Variants in CHRNB3 observed in about 807,000 individuals in gnomAD.
The protein encoded by CHRNB3 is cholinergic receptor nicotinic beta 3 subunit, also known as neuronal acetylcholine receptor subunit beta-3.
In CHRNB3, 37 loss-of-function variants were observed where a neutral mutation model predicts 40.6. The ratio of observed to expected loss-of-function variants is 0.91; its 90% CI spans 0.70 to 1.20. CHRNB3 has a LOEUF of 1.20. Ranked by LOEUF, CHRNB3 falls within the 50% of genes most tolerant of loss-of-function variation. The pLI is 0.00. For synonymous variants in CHRNB3, 207 were observed against 207.1 expected (o/e 1.00, Z 0.00); for missense variants, 505 against 551.2 (o/e 0.92, Z 0.84).
chr8:42,728,082 T>C (rs1398167713), intron 3 of CHRNB3, among the ~76,000 whole-genome samples: 1 of 152,150 alleles, frequency 6.6e-6, no homozygotes, highest in Non-Finnish European at 1.5e-5. Context: ...GACAAACCAC[T>C]TTTATTCAGA....
intron 3 of CHRNB3, among the ~76,000 whole-genome samples, chr8:42,713,281 A>T (rs1161951385): frequency 2.0e-5 from 3 of 152,078 alleles, no homozygotes; most frequent in Non-Finnish European, 4.4e-5. Context: ...ATTAGACACA[A>T]AAGAGTGGGC....
chr8:42,711,548 C>T (rs923375345), intron 3 of CHRNB3, among the ~76,000 whole-genome samples: 6 of 152,084 alleles, frequency 3.9e-5, no homozygotes, highest in African/African-American at 1.4e-4. Context: ...GTGCCCGCCA[C>T]CACGCCCAGC....
chr8:42,715,976 C>CCT (rs1554590400), intron 3 of CHRNB3, among the ~76,000 whole-genome samples: 4,206 of 124,156 alleles, frequency 0.034, 117 homozygotes, highest in Middle Eastern at 0.12. Flanking sequence ...TTAAACTGAC[C>CCT]TTTTTTTTTT....
chr8:42,702,843 A>C (rs950037920), intron 1 of CHRNB3, among the ~76,000 whole-genome samples: 3 of 152,248 alleles, frequency 2.0e-5, no homozygotes, highest in African/African-American at 7.2e-5. Context: ...ATACAATGCT[A>C]ACAGCAAAAC....
In CHRNB3 at chr8:42,732,201, G is replaced by T. The variant is rs1433398868; in HGVS notation, c.894G>T (p.Glu298Asp). 3.1e-6 allele frequency: 5 copies of T among 1,609,494 alleles called. 1 individual carries two copies. The highest frequency in any genetic ancestry group is 4.2e-6 in the Non-Finnish European group (5 of 1,178,472). Residue 298 changes from glutamate to aspartate, a missense_variant, in exon 5 of 6, where the codon GAG becomes GAT. Glu to Asp is a conservative substitution (Grantham distance 45, BLOSUM62 2). Transcript: ENST00000289957. ...CCAAAGTCATTCCTCTCATTGGAGA[G>T]TACCTGCTGTTCATCATGATTTTTG... The part of the protein sequence containing the change: ...SSSKVIPLIG[E>D]YLLFIMIFVT...
At chr8:42,732,752 C>T (rs1337244853) in intron 5 of CHRNB3, among the ~76,000 whole-genome samples, 1 of 152,098 alleles carries the variant, frequency 6.6e-6, no homozygotes, top group African/African-American at 2.4e-5. Context: ...TTCACAAAAA[C>T]ATAAGGAGCA....
intron 3 of CHRNB3, among the ~76,000 whole-genome samples, chr8:42,720,708 G>A (rs1816206809): frequency 6.6e-6 from 1 of 152,178 alleles, no homozygotes; most frequent in Admixed American, 6.5e-5. Flanking sequence ...TCTGGTCACA[G>A]CTGTTAATCC....
intron 2 of CHRNB3, among the ~76,000 whole-genome samples, chr8:42,709,742 C>T (rs986071920): frequency 6.6e-6 from 1 of 152,220 alleles, no homozygotes; most frequent in African/African-American, 2.4e-5. Flanking sequence ...AGTGAATCTC[C>T]TGCCTCAGCT....
chr8:42,704,966 A>T (rs1442095796), intron 1 of CHRNB3, among the ~76,000 whole-genome samples: 1 of 152,180 alleles, frequency 6.6e-6, no homozygotes, highest in Non-Finnish European at 1.5e-5. Flanking sequence ...GGAGACCAAT[A>T]GTACAGGGCT....
chr8:42,717,869 A>G (rs1586400774), intron 3 of CHRNB3, among the ~76,000 whole-genome samples: 3 of 120,980 alleles, frequency 2.5e-5, no homozygotes, highest in Admixed American at 2.3e-4. Flanking sequence ...TCTGTCGCCC[A>G]GGCTGGAGTA....
chr8:42,699,838 C>A (rs1360898691), intron 1 of CHRNB3, among the ~76,000 whole-genome samples: 1 of 148,688 alleles, frequency 6.7e-6, no homozygotes, highest in Non-Finnish European at 1.5e-5. Flanking sequence ...ACCATGAGGG[C>A]TAGCTCCATG....
chr8:42,700,304 T>G (rs1203098012), intron 1 of CHRNB3, among the ~76,000 whole-genome samples: 1 of 145,484 alleles, frequency 6.9e-6, no homozygotes, highest in Non-Finnish European at 1.5e-5. Context: ...TGTGAGCCAC[T>G]GCGCCCGGCC....
At chr8:42,713,823 G>C (rs1015364437) in intron 3 of CHRNB3, among the ~76,000 whole-genome samples, 5 of 152,136 alleles carry the variant, frequency 3.3e-5, no homozygotes, top group Non-Finnish European at 7.3e-5. Flanking sequence ...CTGTTTTATA[G>C]AGATAGAAGA....
Position 42,736,975 on chromosome 8 carries a change from G to C in CHRNB3, c.*357G>C, listed in dbSNP as rs532360625. On this transcript the variant is annotated 3_prime_UTR_variant, in exon 6 of 6. Coordinates refer to ENST00000289957, the MANE Select transcript of CHRNB3 (RefSeq NM_000749.5). The stretch of plus-strand genomic sequence containing the variant: ...GCAGCAGGCCTCGGTGGTGGGGGAG[G>C]GGGGATTCACCTGGAATTAAGGAAG... The C allele has an allele frequency of 3.5e-5, 7 of 199,404 alleles. No homozygotes were observed. In the South Asian group the frequency reaches 6.5e-4, roughly 19 times the overall value. 12.4% of individuals were successfully genotyped at this position (199,404 alleles called of 1,614,324 possible).
intron 5 of CHRNB3, 120 bp from the exon 6 acceptor site, chr8:42,736,364 C>A: frequency 8.2e-7 from 1 of 1,215,932 alleles, no homozygotes; most frequent in Non-Finnish European, 1.2e-6. Context: ...ACATTAGATG[C>A]ATTTTGAAAA....
chr8:42,728,516 A>G (rs1338485721), intron 3 of CHRNB3, among the ~76,000 whole-genome samples: 2 of 152,086 alleles, frequency 1.3e-5, no homozygotes, highest in Non-Finnish European at 2.9e-5. Flanking sequence ...GAAAAAGAAC[A>G]AGATCCTGTC....
Position 42,712,859 on chromosome 8 carries a change from C to CTTTT in CHRNB3, c.249+2442_249+2445dup, listed in dbSNP as rs567650103. Among the ~76,000 whole-genome samples, 61 of 114,702 alleles carry CTTTT rather than the reference C, an allele frequency of 5.3e-4. 1 individual carries two copies. Among genetic ancestry groups the CTTTT allele is most frequent in the Non-Finnish European group, 8.3e-4 (48 of 57,726 alleles). The allele number at this position is 114,702 out of a possible 152,430, so 75.2% of individuals were successfully genotyped here. A position where few individuals can be genotyped will look rare whatever the true frequency, so the allele number is the denominator to read the frequency against. ...GCACACCTCCTTCCCCCACTGCTCT[C>CTTTT]TTTTTTTTTTTTTTTTTTTTGAGTC... On this transcript the variant is annotated intron_variant, in intron 3 of 5. Transcript: ENST00000289957.
chr8:42,713,082 G>A (rs986465847), intron 3 of CHRNB3, among the ~76,000 whole-genome samples: 6 of 151,704 alleles, frequency 4.0e-5, no homozygotes, highest in Admixed American at 2.0e-4. Flanking sequence ...GGCTGGTCTC[G>A]AACTCCTGAT....
intron 1 of CHRNB3, among the ~76,000 whole-genome samples, chr8:42,698,643 C>G (rs373683736): frequency 6.6e-6 from 1 of 152,204 alleles, no homozygotes; most frequent in African/African-American, 2.4e-5. Context: ...AAGCCTCAAA[C>G]TCACTTTCAA....
Sources: allele counts gnomAD v4.1 joint callset (sites outside exome capture counted in the v4.1 genomes callset), GRCh38; gene constraint gnomAD v4.1.1; transcripts MANE v1.5; gene names NCBI Gene and HGNC (gene_info 2026-07-23, HGNC 2026-07-21).